The following PTDSS2 variants were observed in gnomAD, a reference collection of about 807,000 sequenced individuals.
PTDSS2 encodes phosphatidylserine synthase 2, also known as PSS-2.
Under a neutral mutation model 64.7 loss-of-function variants are expected in PTDSS2, and 41 were observed. That is an observed-to-expected ratio of 0.63 (90% CI 0.49 to 0.82). The LOEUF is 0.82. PTDSS2 is among the 40% of genes least tolerant of loss of function. The pLI is 0.00. For synonymous variants in PTDSS2, 297 were observed against 277.8 expected (o/e 1.07, Z -0.69); for missense variants, 485 against 650.0 (o/e 0.75, Z 2.76).
chr11:487,561 G>C (rs1848450041), intron 6 of PTDSS2, 91 bp downstream of exon 6: 2 of 1,252,358 alleles, frequency 1.6e-6, no homozygotes, highest in African/African-American at 1.5e-5. Context: ...TTGAGCTCAG[G>C]GTGCTCTGAG....
rs759911864 is a variant in PTDSS2 at position 487,463 on chromosome 11, A to G, written c.614A>G (p.Tyr205Cys). The G allele has an allele frequency of 1.2e-6, 2 of 1,613,758 alleles. No homozygotes were observed. The highest frequency in any genetic ancestry group is 3.3e-5 in the Admixed American group (2 of 60,028). The change falls in exon 6 of 12, where the codon TAC (tyrosine) becomes TGC (cysteine). Residue 205 changes from tyrosine (Y) to cysteine (C), a missense_variant. This residue lies in a region of PTDSS2 where 251 missense variants were observed against 348.0 expected (regional missense o/e 0.72). Coordinates refer to ENST00000308020, the MANE Select transcript of PTDSS2 (RefSeq NM_030783.3). Reference sequence around the variant, plus strand: ...GTTCCCGCGCACTTTCTTGGCTGGTACCTGAAGGTACGGCACCTCCTCTTC... The same window carrying G: ...GTTCCCGCGCACTTTCTTGGCTGGTGCCTGAAGGTACGGCACCTCCTCTTC... ...GFVPAHFLGW[Y>C]LKTLMIRDWW...
At chr11:482,776 GT>G (rs1458783969) in intron 4 of PTDSS2, among the ~76,000 whole-genome samples, 1 of 151,546 alleles carries the variant, frequency 6.6e-6, no homozygotes, top group Non-Finnish European at 1.5e-5. Context: ...AGTTCTGTGA[GT>G]TTTTCGTAGA....
intron 5 of PTDSS2, 21 bp from the exon 6 acceptor site, chr11:487,399 G>T (rs771454087): frequency 2.5e-6 from 4 of 1,612,824 alleles, no homozygotes; most frequent in East Asian, 4.5e-5. Context: ...AGGGTCAAGG[G>T]TCATACCCTG....
At position 489,389 on chromosome 11, in the gene PTDSS2, G is replaced by A; in HGVS notation, c.855-11G>A. ...CTGCCTTCCTCAGGCTGCCGGCTCT[G>A]TGGTTCCCAGGGGCAAGATGAAGAG... On this transcript the variant is annotated splice_polypyrimidine_tract_variant and intron_variant, in intron 8 of 11. Transcript: ENST00000308020. The A allele has an allele frequency of 6.2e-7, 1 of 1,611,024 alleles. No individual in the cohort carries two copies. Among genetic ancestry groups the A allele is most frequent in the Non-Finnish European group, 8.5e-7 (1 of 1,178,576 alleles).
chr11:480,450 A>G (rs1848019893), intron 4 of PTDSS2: 3 of 130,452 alleles, frequency 2.3e-5, no homozygotes, highest in East Asian at 4.8e-4. Context: ...CGCCCTGCAC[A>G]GTGCCTCTGA....
chr11:460,554 G>T lies in PTDSS2; in HGVS notation c.284+266G>T, dbSNP rs1322348282. ...CCACGTGACCGGCAGCCTGTGCTGC[G>T]TTTCCTCTGAGTTTTGCATGTTGAG... On this transcript the variant is annotated intron_variant, in intron 2 of 11. Transcript: ENST00000308020. The surrounding 1 kb of genome is among the most constrained non-coding windows in gnomAD (Gnocchi z 5.8). The T allele has an allele frequency of 6.8e-6, 3 of 438,396 alleles. No homozygotes were observed. The highest frequency in any genetic ancestry group is 2.0e-5 in the African/African-American group (1 of 50,408). 27.2% of individuals were successfully genotyped at this position (438,396 alleles called of 1,614,324 possible).
At chr11:456,033 C>CACGGCATG (rs1348401356) in intron 1 of PTDSS2, among the ~76,000 whole-genome samples, 38 of 152,352 alleles carry the variant, frequency 2.5e-4, no homozygotes, top group African/African-American at 7.7e-4. Flanking sequence ...GCACCACGCA[C>CACGGCATG]ACGGCATGAA....
chr11:489,684 A>G lies in PTDSS2; in HGVS notation c.1066A>G (p.Asn356Asp). ...LVLLRLVFFV[N>D]VGGVAMREIY... is the part of the protein sequence containing the mutation. ...CCTCCTGCGGCTCGTCTTCTTCGTG[A>G]ACGTGGGTGGCGTGGCCATGCGTGA... The change falls in exon 10 of 12, where the codon AAC becomes GAC. Residue 356 changes from asparagine (N) to aspartate (D), a missense_variant. By Grantham distance (23) the Asn-to-Asp change is conservative. This residue lies in a region of PTDSS2 where 219 missense variants were observed against 257.3 expected (regional missense o/e 0.85). Coordinates refer to ENST00000308020, the MANE Select transcript of PTDSS2 (RefSeq NM_030783.3). 6.2e-7 allele frequency: 1 copy of G among 1,602,594 alleles called. No individual in the cohort carries two copies.
rs145279469 is a variant in PTDSS2, at chr11:488,273, G to A, written c.696G>A (p.Glu232=). The A allele has an allele frequency of 1.1e-4, 184 of 1,613,408 alleles. No homozygotes were observed. Among genetic ancestry groups the A allele is most frequent in the Non-Finnish European group, 1.5e-4 (179 of 1,179,868 alleles). Residue 232 remains glutamate (E), a synonymous_variant, in exon 7 of 12, where the codon GAG becomes GAA. Transcript: ENST00000308020. ...VMFEFLEYSL[E]HQLPNFSECW... Reference sequence around the variant, plus strand: ...TCGAGTTCCTGGAGTACAGCCTGGAGCACCAGCTGCCCAACTTCAGCGAGT... The same window carrying A: ...TCGAGTTCCTGGAGTACAGCCTGGAACACCAGCTGCCCAACTTCAGCGAGT...
chr11:487,519 C>A (rs1473793600), intron 6 of PTDSS2, 49 bp downstream of exon 6: 4 of 1,551,780 alleles, frequency 2.6e-6, no homozygotes, highest in Non-Finnish European at 3.6e-6. Context: ...CTGAGGCCTG[C>A]CGTGGGCTCT....
chr11:479,021 G>C lies in PTDSS2; in HGVS notation c.368-64G>C. 7.1e-7 allele frequency: 1 copy of C among 1,401,168 alleles called. No individual in the cohort carries two copies. The highest frequency in any genetic ancestry group is 1.0e-6 in the Non-Finnish European group (1 of 986,924). 86.8% of individuals were successfully genotyped at this position (1,401,168 alleles called of 1,614,324 possible). A position where few individuals can be genotyped will look rare whatever the true frequency, so the allele number is the denominator to read the frequency against. On this transcript the variant is annotated intron_variant, in intron 3 of 11. Coordinates refer to ENST00000308020, the MANE Select transcript of PTDSS2 (RefSeq NM_030783.3). This position sits in a 1 kb window ranked among gnomAD's most constrained non-coding sequence, Gnocchi z 4.2. ...TGTGAAGGAGCCAGGAGCCGGCCTG[G>C]GGCTGAGCGGGGCCGTGGAGGCCTG...
chr11:469,836 C>G (rs1226697899), intron 2 of PTDSS2, among the ~76,000 whole-genome samples: 3 of 152,056 alleles, frequency 2.0e-5, no homozygotes, highest in Non-Finnish European at 4.4e-5. Context: ...CTGATCCTGG[C>G]AGTTCCAGAA....
chr11:488,084 G>GC (rs1049957020), intron 6 of PTDSS2, 115 bp from the exon 7 acceptor site: 2 of 713,098 alleles, frequency 2.8e-6, no homozygotes, highest in Non-Finnish European at 4.8e-6. Flanking sequence ...GGCAGGGCCG[G>GC]GCGTGGCCGG....
intron 7 of PTDSS2, 84 bp downstream of exon 7, chr11:488,396 C>A: frequency 2.2e-6 from 3 of 1,346,652 alleles, no homozygotes; most frequent in Non-Finnish European, 3.2e-6. Flanking sequence ...GGCCCCTGGA[C>A]CCCCTCATTC....
At chr11:472,499 C>T (rs1469984499) in intron 2 of PTDSS2, among the ~76,000 whole-genome samples, 2 of 152,204 alleles carry the variant, frequency 1.3e-5, no homozygotes, top group African/African-American at 2.4e-5. Flanking sequence ...ACTCAGGTTT[C>T]GCCTGGGTGG....
intron 3 of PTDSS2, among the ~76,000 whole-genome samples, chr11:475,120 ACGGACATATTCACGCGTT>A (rs1847696963): frequency 2.2e-5 from 2 of 91,700 alleles, no homozygotes; most frequent in Admixed American, 1.1e-4. Flanking sequence ...TTTGTGTGAT[ACGGACATATTCACGCGTT>A]TGTGTGATAC....
At position 472,046 on chromosome 11, in the gene PTDSS2, G is replaced by A. The variant is rs139139275; in HGVS notation, c.285-1849G>A. 2.2e-4 allele frequency among the ~76,000 whole-genome samples: 32 copies of A among 143,662 alleles called. No homozygotes were observed. The South Asian group carries it at 3.4e-3, about 15-fold the overall frequency. The allele number at this position is 143,662 out of a possible 152,430, so 94.2% of individuals were successfully genotyped here. A position where few individuals can be genotyped will look rare whatever the true frequency, so the allele number is the denominator to read the frequency against. On this transcript the variant is annotated intron_variant, in intron 2 of 11. Coordinates refer to ENST00000308020, the MANE Select transcript of PTDSS2 (RefSeq NM_030783.3). ...CTGGGGTGATGCGCGCCTGTCGGGC[G>A]GATGGTGGCCTGGGGTAACGCGGAT...
chr11:455,449 C>T (rs1337439294), intron 1 of PTDSS2, among the ~76,000 whole-genome samples: 1 of 152,192 alleles, frequency 6.6e-6, no homozygotes, highest in Non-Finnish European at 1.5e-5. Context: ...GCACACCACA[C>T]CCTGTCTGTC....
At chr11:483,245 G>T (rs1380458074) in intron 4 of PTDSS2, among the ~76,000 whole-genome samples, 1 of 21,962 alleles carries the variant, frequency 4.6e-5, no homozygotes, top group Admixed American at 4.8e-4. Context: ...TGAGTTTTTC[G>T]TAGATCTCCC....
Sources: gnomAD v4.1 joint callset for allele counts (sites outside exome capture counted in the v4.1 genomes callset) on GRCh38, gnomAD v4.1.1 for gene constraint, gnomAD v4.1.1 regional missense constraint, Gnocchi (gnomAD v3.1) non-coding constraint, MANE v1.5 for transcripts, NCBI Gene and HGNC (gene_info 2026-07-23, HGNC 2026-07-21) for gene names.